The following B4GALNT3 variants were observed in gnomAD, a reference collection of about 807,000 sequenced individuals.
The protein encoded by B4GALNT3 is beta-1,4-N-acetylgalactosaminyltransferase 3.
In B4GALNT3, 86 loss-of-function variants were observed where a neutral mutation model predicts 120.2. The ratio of observed to expected loss-of-function variants is 0.72; its 90% confidence interval spans 0.60 to 0.86. B4GALNT3 has a LOEUF of 0.86. B4GALNT3 is among the 40% of genes least tolerant of loss of function. The pLI is 0.00. For missense variants in B4GALNT3, 1,167 were observed against 1,298.9 expected (o/e 0.90, Z 1.56); for synonymous variants, 518 against 510.4 (o/e 1.01, Z -0.20).
Position 487,196 on chromosome 12 carries a change from A to G in B4GALNT3, c.169+26651A>G, listed in dbSNP as rs145744940. ...CAGAATATCCAAGAACTGTGGGACA[A>G]TTACAAAAGGTGAAATATACATAAT... On this transcript the variant is annotated intron_variant, in intron 1 of 19. Transcript: ENST00000266383. 3.5e-3 allele frequency among the ~76,000 whole-genome samples: 533 copies of G among 152,314 alleles called. 3 individuals are homozygous for G. The highest frequency in any genetic ancestry group is 0.012 in the African/African-American group (511 of 41,578).
chr12:483,487 A>G lies in B4GALNT3; in HGVS notation c.169+22942A>G, dbSNP rs144272605. On this transcript the variant is annotated intron_variant, in intron 1 of 19. Coordinates refer to ENST00000266383, the MANE Select transcript of B4GALNT3 (RefSeq NM_173593.4). Reference sequence around the variant, plus strand: ...CAAGGCAGATGAATCATTTGAGCTCAGGAGTTTGACACCAGCCTGAGCAAC... The same window carrying G: ...CAAGGCAGATGAATCATTTGAGCTCGGGAGTTTGACACCAGCCTGAGCAAC... Among the ~76,000 whole-genome samples the G allele has an allele frequency of 1.6e-3, 240 of 152,310 alleles. 1 individual carries two copies. Among genetic ancestry groups the G allele is most frequent in the African/African-American group, 5.2e-3 (216 of 41,576 alleles).
At chr12:554,069 T>G in intron 14 of B4GALNT3, 86 bp downstream of exon 14, 1 of 909,742 alleles carries the variant, frequency 1.1e-6, no homozygotes, top group East Asian at 2.5e-5. Flanking sequence ...GGGCTGGTAG[T>G]GGGTTCCCCC....
rs1947106833 is a variant in B4GALNT3 at position 553,369 on chromosome 12, C to G, written c.1446C>G (p.Pro482=). ...LRSLRKLLAQ[P]REGLLAPFSK... Reference sequence around the variant, plus strand: ...GCCTGCGGAAACTCCTGGCTCAGCCCCGGGAGGGCCTGCTGGCCCCCTTCT... The same window carrying G: ...GCCTGCGGAAACTCCTGGCTCAGCCGCGGGAGGGCCTGCTGGCCCCCTTCT... The change falls in exon 14 of 20, where the codon CCC becomes CCG. Residue 482 remains proline, a synonymous_variant. Coordinates refer to ENST00000266383, the MANE Select transcript of B4GALNT3 (RefSeq NM_173593.4). 6.2e-7 allele frequency: 1 copy of G among 1,613,694 alleles called. No individual in the cohort carries two copies. The highest frequency in any genetic ancestry group is 8.5e-7 in the Non-Finnish European group (1 of 1,180,054).
At chr12:495,166 A>G (rs569434207) in intron 1 of B4GALNT3, among the ~76,000 whole-genome samples, 1 of 152,340 alleles carries the variant, frequency 6.6e-6, no homozygotes, top group Non-Finnish European at 1.5e-5. Context: ...GAAAGGTTAA[A>G]TAACTTGTCT....
At chr12:541,028 C>A (rs1400674498) in intron 3 of B4GALNT3, among the ~76,000 whole-genome samples, 3 of 152,238 alleles carry the variant, frequency 2.0e-5, no homozygotes, top group Non-Finnish European at 4.4e-5. Flanking sequence ...CAGGCGTGAG[C>A]CACCGTGCCC....
At chr12:494,307 A>AG (rs1946370056) in intron 1 of B4GALNT3, among the ~76,000 whole-genome samples, 2 of 150,570 alleles carry the variant, frequency 1.3e-5, no homozygotes, top group Non-Finnish European at 3.0e-5. Context: ...AAAAAAAAAA[A>AG]GCAAGAAACA....
intron 1 of B4GALNT3, among the ~76,000 whole-genome samples, chr12:501,213 TAATC>T (rs1345267922): frequency 1.3e-5 from 2 of 152,162 alleles, no homozygotes; most frequent in Admixed American, 6.5e-5. Context: ...ACAAATTACT[TAATC>T]AATGTCTCTC....
At chr12:474,383 T>A (rs1423024335) in intron 1 of B4GALNT3, among the ~76,000 whole-genome samples, 3 of 152,234 alleles carry the variant, frequency 2.0e-5, no homozygotes, top group Admixed American at 1.3e-4. Context: ...AGTACACTTA[T>A]CAACCTTAGC....
At chr12:470,708 C>T (rs988353166) in intron 1 of B4GALNT3, among the ~76,000 whole-genome samples, 1 of 151,952 alleles carries the variant, frequency 6.6e-6, no homozygotes, top group African/African-American at 2.4e-5. Context: ...AGGGAGAGAC[C>T]GCTACCCCAT....
At chr12:465,235 G>A (rs141430773) in intron 1 of B4GALNT3, among the ~76,000 whole-genome samples, 30 of 152,176 alleles carry the variant, frequency 2.0e-4, no homozygotes, top group Admixed American at 7.2e-4. Flanking sequence ...CCGGTTTATC[G>A]CTCTTTATGC....
rs370374991 is a variant in B4GALNT3, at chr12:548,287, C to T, written c.843C>T (p.Ser281=). ...CCATCATTGACTCCCTCTCCCTGTC[C>T]CTCTTCACAAGTGAGTAGGCTCTGG... is the stretch of plus-strand genomic sequence containing the variant. ...KFTIIDSLSL[S]LFTNETFLQM... Residue 281 remains serine (S), a synonymous_variant, in exon 9 of 20, where the codon TCC becomes TCT. Transcript: ENST00000266383. The surrounding 1 kb of genome is among the most constrained non-coding windows in gnomAD (Gnocchi z 4.9). 3.7e-6 allele frequency: 6 copies of T among 1,614,064 alleles called. No individual in the cohort carries two copies. In the African/African-American group the frequency reaches 6.7e-5, roughly 18 times the overall value.
chr12:537,785 G>C (rs1181955556), intron 3 of B4GALNT3, among the ~76,000 whole-genome samples: 1 of 152,150 alleles, frequency 6.6e-6, no homozygotes, highest in African/African-American at 2.4e-5. Context: ...TGGGTGGTAC[G>C]GGCTAGCTCA....
rs1025874638 is a variant in B4GALNT3, at chr12:563,051, C to T, written c.*1600C>T. On this transcript the variant is annotated 3_prime_UTR_variant, in exon 20 of 20. Transcript: ENST00000266383. ...GGGGGTCGGGGAGAATCCCTGCCTC[C>T]CTTTAAGGAATCATGAAGGACAGAG... The T allele has an allele frequency of 3.3e-5, 5 of 152,298 alleles. No individual in the cohort carries two copies. Among genetic ancestry groups the T allele is most frequent in the Non-Finnish European group, 7.3e-5 (5 of 68,124 alleles). 9.4% of individuals were successfully genotyped at this position (152,298 alleles called of 1,614,324 possible).
At chr12:547,801 G>A (rs753085967) in intron 7 of B4GALNT3, among the ~76,000 whole-genome samples, 36 of 152,206 alleles carry the variant, frequency 2.4e-4, no homozygotes, top group Non-Finnish European at 4.6e-4. Flanking sequence ...CGATCATCCT[G>A]TGGAGGAGGT....
chr12:559,511 C>T (rs1947200476), intron 19 of B4GALNT3, 90 bp downstream of exon 19: 2 of 1,559,860 alleles, frequency 1.3e-6, no homozygotes, highest in African/African-American at 2.7e-5. Context: ...AGCTGTCCCC[C>T]TCGGCCGCAG....
rs57955399 is a variant in B4GALNT3, at chr12:563,498, GAA to G, written c.*2057_*2058del. ...AAGCATTAAATACAGCAACTTCTTAGAAAAAAAAAAAGGTGCTTGTCTTTTCC... is the reference window on the plus strand; with the variant it reads ...AAGCATTAAATACAGCAACTTCTTAGAAAAAAAAAGGTGCTTGTCTTTTCC... On this transcript the variant is annotated 3_prime_UTR_variant, in exon 20 of 20. Coordinates refer to ENST00000266383, the MANE Select transcript of B4GALNT3 (RefSeq NM_173593.4). 3 of 148,752 alleles carry G rather than the reference GAA, an allele frequency of 2.0e-5. No homozygotes were observed. The highest frequency in any genetic ancestry group is 4.9e-5 in the African/African-American group (2 of 40,410). The allele number at this position is 148,752 out of a possible 1,614,324, so 9.2% of individuals were successfully genotyped here. A position where few individuals can be genotyped will look rare whatever the true frequency, so the allele number is the denominator to read the frequency against.
At chr12:511,438 CCTTCCACCTTCCACCTT>C (rs1384659194) in intron 1 of B4GALNT3, among the ~76,000 whole-genome samples, 956 of 58,700 alleles carry the variant, frequency 0.016, 9 homozygotes, top group Non-Finnish European at 0.022. Context: ...CCTTCTTCCA[CCTTCCACCTTCCACCTT>C]CTTCCACCTT....
At chr12:468,958 C>T (rs1280575283) in intron 1 of B4GALNT3, among the ~76,000 whole-genome samples, 1 of 152,208 alleles carries the variant, frequency 6.6e-6, no homozygotes, top group East Asian at 1.9e-4. Flanking sequence ...AACCACATTC[C>T]AGGCCGACCA....
At position 563,498 on chromosome 12, in the gene B4GALNT3, GA is replaced by G. The variant is rs57955399; in HGVS notation, c.*2058del. Reference sequence around the variant, plus strand: ...AAGCATTAAATACAGCAACTTCTTAGAAAAAAAAAAAGGTGCTTGTCTTTTC... The same window carrying G: ...AAGCATTAAATACAGCAACTTCTTAGAAAAAAAAAAGGTGCTTGTCTTTTC... On this transcript the variant is annotated 3_prime_UTR_variant, in exon 20 of 20. Transcript: ENST00000266383. 0.24 allele frequency: 35,948 copies of G among 148,668 alleles called. 4,965 individuals are homozygous for G. The highest frequency in any genetic ancestry group is 0.32 in the Non-Finnish European group (21,593 of 66,986). 9.2% of individuals were successfully genotyped at this position (148,668 alleles called of 1,614,324 possible).
Sources: gnomAD v4.1 joint callset for allele counts (sites outside exome capture counted in the v4.1 genomes callset) on GRCh38, gnomAD v4.1.1 for gene constraint, Gnocchi (gnomAD v3.1) non-coding constraint, MANE v1.5 for transcripts, NCBI Gene and HGNC (gene_info 2026-07-23, HGNC 2026-07-21) for gene names.